Variants in SNX29 observed in about 807,000 individuals in gnomAD.
The protein encoded by SNX29 is sorting nexin-29.
A neutral mutation model predicts 102.1 loss-of-function variants in SNX29; 78 were observed. The ratio of observed to expected loss-of-function variants is 0.76; its 90% CI spans 0.64 to 0.92. SNX29 has a LOEUF of 0.92. Among genes scored for constraint, SNX29 ranks in the 40% least tolerant of loss-of-function variants. The pLI is 0.00. For missense variants in SNX29, 1,280 were observed against 1,061.7 expected (o/e 1.21, Z -2.86); for synonymous variants, 580 against 414.5 (o/e 1.40, Z -4.85).
At chr16:12,201,587 T>C (rs1596491958) in intron 14 of SNX29, among the ~76,000 whole-genome samples, 3 of 152,356 alleles carry the variant, frequency 2.0e-5, no homozygotes, top group Middle Eastern at 3.4e-3. Context: ...CTTTTAACTT[T>C]ACTGTGCAGA....
chr16:12,499,585 G>T (rs1267909401), intron 19 of SNX29, among the ~76,000 whole-genome samples: 2 of 152,210 alleles, frequency 1.3e-5, no homozygotes, highest in African/African-American at 4.8e-5. Context: ...CTGAATCACT[G>T]GGGGTTAAGC....
In SNX29 at chr16:12,382,452, C is replaced by G. The variant is rs550176831; in HGVS notation, c.1900-15994C>G. On this transcript the variant is annotated intron_variant, in intron 16 of 20. Transcript: ENST00000566228. ...CCCTGTGCCCTTGAGCAAGTTAAGTCAACTCTCTGAGTCTATTTCCCCATC... is the reference window on the plus strand; with the variant it reads ...CCCTGTGCCCTTGAGCAAGTTAAGTGAACTCTCTGAGTCTATTTCCCCATC... Among the ~76,000 whole-genome samples the G allele has an allele frequency of 1.7e-3, 255 of 152,326 alleles. 2 individuals carry two copies. Among genetic ancestry groups the G allele is most frequent in the African/African-American group, 5.9e-3 (244 of 41,554 alleles).
In SNX29 at chr16:12,403,423, GTC is replaced by G. The variant is rs755622704; in HGVS notation, c.1956-15_1956-14del. ...TTGTAAGTTAAAATGTCTAATGTTG[GTC>G]TCTCTCTCTTCCTTTTGGTTAGATC... On this transcript the variant is annotated intron_variant, in intron 17 of 20. Coordinates refer to ENST00000566228, the MANE Select transcript of SNX29 (RefSeq NM_032167.5). 7 of 1,577,526 alleles carry G rather than the reference GTC, an allele frequency of 4.4e-6. No homozygotes were observed. The Admixed American group carries it at 5.3e-5, about 12-fold the overall frequency.
At chr16:12,272,836 G>A (rs903006883) in intron 14 of SNX29, among the ~76,000 whole-genome samples, 5 of 152,038 alleles carry the variant, frequency 3.3e-5, no homozygotes, top group African/African-American at 4.8e-5. Flanking sequence ...GCCTGTTGCC[G>A]CTTTTTTATT....
At chr16:12,285,995 A>G (rs569911454) in intron 15 of SNX29, among the ~76,000 whole-genome samples, 1 of 152,024 alleles carries the variant, frequency 6.6e-6, no homozygotes, top group Non-Finnish European at 1.5e-5. Flanking sequence ...AGCATACGCT[A>G]CCATGCTCAG....
intron 20 of SNX29, among the ~76,000 whole-genome samples, chr16:12,555,569 C>T (rs779216990): frequency 1.3e-5 from 2 of 151,854 alleles, no homozygotes; most frequent in Non-Finnish European, 1.5e-5. Context: ...ACCCTCATCT[C>T]TCACCTCCAT....
intron 16 of SNX29, among the ~76,000 whole-genome samples, chr16:12,389,895 C>CT (rs2083463881): frequency 6.6e-6 from 1 of 152,212 alleles, no homozygotes; most frequent in Non-Finnish European, 1.5e-5. Flanking sequence ...CTCTTCAAAC[C>CT]TTGTTTCCCT....
At chr16:12,502,577 A>G (rs1016670202) in intron 19 of SNX29, among the ~76,000 whole-genome samples, 2 of 152,138 alleles carry the variant, frequency 1.3e-5, no homozygotes, top group Non-Finnish European at 2.9e-5. Context: ...AGATAGGGAA[A>G]CTGAGGTTCA....
intron 20 of SNX29, among the ~76,000 whole-genome samples, chr16:12,526,387 T>A (rs1030152339): frequency 2.0e-5 from 3 of 152,196 alleles, no homozygotes; most frequent in African/African-American, 7.2e-5. Context: ...CCTTTGAAAT[T>A]GTCTCCAAGA....
At chr16:12,467,648 A>G (rs1371600881) in intron 18 of SNX29, among the ~76,000 whole-genome samples, 28 of 135,704 alleles carry the variant, frequency 2.1e-4, no homozygotes, top group East Asian at 7.8e-4. Context: ...TCATTCATTC[A>G]TTCATTCCAT....
intron 4 of SNX29, among the ~76,000 whole-genome samples, chr16:12,041,816 A>G (rs533965370): frequency 1.9e-4 from 29 of 152,312 alleles, no homozygotes; most frequent in Admixed American, 1.8e-3. Context: ...TTACTATATA[A>G]GGTAATATTC....
At chr16:12,262,129 C>T (rs755593942) in intron 14 of SNX29, among the ~76,000 whole-genome samples, 9 of 142,036 alleles carry the variant, frequency 6.3e-5, no homozygotes, top group East Asian at 2.2e-4. Flanking sequence ...GGTCTGTGCG[C>T]GCGTCCCCAG....
intron 13 of SNX29, among the ~76,000 whole-genome samples, chr16:12,146,346 A>G (rs113162652): frequency 0.03 from 4,510 of 151,728 alleles, 232 homozygotes; most frequent in African/African-American, 0.1. Context: ...GCTCACTGCA[A>G]CCCCCACCTT....
At chr16:12,536,822 A>G (rs908183216) in intron 20 of SNX29, among the ~76,000 whole-genome samples, 3 of 152,144 alleles carry the variant, frequency 2.0e-5, no homozygotes, top group Non-Finnish European at 4.4e-5. Context: ...TTAAAACTGC[A>G]AAAATTAGCC....
intron 19 of SNX29, among the ~76,000 whole-genome samples, chr16:12,496,759 C>T (rs2088848067): frequency 6.6e-6 from 1 of 152,134 alleles, no homozygotes; most frequent in Non-Finnish European, 1.5e-5. Flanking sequence ...GATCCGCCCG[C>T]CTCGGCCTTC....
intron 3 of SNX29, among the ~76,000 whole-genome samples, chr16:12,021,598 A>G (rs193189350): frequency 6.6e-6 from 1 of 152,106 alleles, no homozygotes; most frequent in East Asian, 1.9e-4. Flanking sequence ...GTCTTGAAAT[A>G]TAGGACAGGC....
chr16:12,295,255 G>A (rs748494015), intron 15 of SNX29, among the ~76,000 whole-genome samples: 1 of 152,160 alleles, frequency 6.6e-6, no homozygotes, highest in African/African-American at 2.4e-5. Context: ...ACTTTCCTAG[G>A]ATGACAGGCA....
chr16:12,538,514 A>T (rs992544955), intron 20 of SNX29, among the ~76,000 whole-genome samples: 16 of 152,210 alleles, frequency 1.1e-4, no homozygotes, highest in African/African-American at 3.1e-4. Context: ...TTGGTATGTG[A>T]TAACATATTG....
intron 20 of SNX29, among the ~76,000 whole-genome samples, chr16:12,539,015 C>G (rs556254245): frequency 6.6e-6 from 1 of 152,164 alleles, no homozygotes; most frequent in East Asian, 1.9e-4. Flanking sequence ...GAGCCAAAAC[C>G]ATCCATGAAT....
Sources: allele counts gnomAD v4.1 joint callset (sites outside exome capture counted in the v4.1 genomes callset), GRCh38; gene constraint gnomAD v4.1.1; transcripts MANE v1.5; gene names NCBI Gene and HGNC (gene_info 2026-07-23, HGNC 2026-07-21).